TUBGCP5: variants seen among roughly 807,000 people sequenced by gnomAD.
TUBGCP5 encodes tubulin gamma complex component 5.
TUBGCP5 carries 98 observed loss-of-function variants against 134.7 expected under a neutral mutation model. The observed-to-expected ratio is 0.73, with a 90% CI of 0.62 to 0.86. The LOEUF is 0.86. Ranked by LOEUF, TUBGCP5 falls within the 40% of genes least tolerant of loss-of-function variation. The pLI is 0.00. For missense variants in TUBGCP5, 1,150 were observed against 1,244.8 expected, an observed-to-expected ratio of 0.92 and a Z score of 1.15; for synonymous variants, 456 against 431.4, an observed-to-expected ratio of 1.06 and a Z score of -0.71.
At chr15:23,002,216 A>G (rs188073656) in intron 21 of TUBGCP5, among the ~76,000 whole-genome samples, 2 of 152,082 alleles carry the variant, frequency 1.3e-5, no homozygotes, top group African/African-American at 4.8e-5. Context: ...GAAGACTTCT[A>G]TTTCCATCCC....
intron 8 of TUBGCP5, 81 bp downstream of exon 8, chr15:23,026,034 TG>T: frequency 1.7e-6 from 2 of 1,158,332 alleles, no homozygotes; most frequent in Admixed American, 5.2e-5. Context: ...TGAAAATGCT[TG>T]AAAAGTTTCC....
rs749656696 is a variant in TUBGCP5 at position 23,000,253 on chromosome 15, A to G, written c.3028+316T>C. ...AAATTTTTAAAAAGACTAGATTTTG[A>G]AAAGAAATAGTTACAAAAACTACAC... On this transcript the variant is annotated intron_variant, in intron 22 of 22. Transcript: ENST00000615383. 1.5e-4 allele frequency: 186 copies of G among 1,232,750 alleles called. 3 individuals carry two copies. Among genetic ancestry groups the G allele is most frequent in the Middle Eastern group, 3.2e-4 (1 of 3,118 alleles). 76.4% of individuals were successfully genotyped at this position (1,232,750 alleles called of 1,614,324 possible). A position where few individuals can be genotyped will look rare whatever the true frequency, so the allele number is the denominator to read the frequency against.
chr15:23,003,995 AAAG>A, intron 20 of TUBGCP5, 104 bp downstream of exon 20: 1 of 1,395,022 alleles, frequency 7.2e-7, no homozygotes, highest in Non-Finnish European at 9.5e-7. Context: ...GTTCTTCCTT[AAAG>A]AATATTCTAC....
In TUBGCP5 at chr15:23,024,042, A is replaced by C; in HGVS notation, c.1073T>G (p.Phe358Cys). ...SVPKKSTEAP[F>C]RTYQAFMWAL... ...CCACATGAAAGCCTGGTAGGTTCTAAAGGGAGCTTCAGTTGACTTCTTAGG... is the reference window on the plus strand; with the variant it reads ...CCACATGAAAGCCTGGTAGGTTCTACAGGGAGCTTCAGTTGACTTCTTAGG... Residue 358 changes from phenylalanine (F) to cysteine (C), a missense_variant, in exon 10 of 23, where the codon TTT becomes TGT. This residue lies in a region of TUBGCP5 where 697 missense variants were observed against 850.1 expected (regional missense o/e 0.82). Transcript: ENST00000615383. The C allele has an allele frequency of 6.2e-7, 1 of 1,614,162 alleles. No homozygotes were observed. The highest frequency in any genetic ancestry group is 8.5e-7 in the Non-Finnish European group (1 of 1,180,016).
In TUBGCP5 at chr15:23,005,569, G is replaced by A; in HGVS notation, c.2575C>T (p.Leu859Phe). 6.2e-7 allele frequency: 1 copy of A among 1,614,042 alleles called. No homozygotes were observed. The highest frequency in any genetic ancestry group is 8.5e-7 in the Non-Finnish European group (1 of 1,179,994). The stretch of plus-strand genomic sequence containing the variant: ...GCAACTGTGTCTTGTTCATGTATAA[G>A]GCCTTCTTTAAGTCGTGGTTTTTCT... ...TAEKPRLKEG[L>F]IHEQDTVAQF... The change falls in exon 19 of 23, where the codon CTT (leucine) becomes TTT (phenylalanine). Residue 859 changes from leucine to phenylalanine, a missense_variant. By Grantham distance (22) the Leu-to-Phe change is conservative. This residue lies in a region of TUBGCP5 where 697 missense variants were observed against 850.1 expected (regional missense o/e 0.82). Transcript: ENST00000615383.
intron 19 of TUBGCP5, 95 bp downstream of exon 19, chr15:23,005,333 TGTAG>T: frequency 7.2e-7 from 1 of 1,389,246 alleles, no homozygotes; most frequent in Non-Finnish European, 9.8e-7. Flanking sequence ...TTTCACAGTC[TGTAG>T]GTATTTTTTA....
At chr15:23,026,940 A>C (rs2066016105) in intron 7 of TUBGCP5, among the ~76,000 whole-genome samples, 1 of 151,880 alleles carries the variant, frequency 6.6e-6, no homozygotes, top group Non-Finnish European at 1.5e-5. Context: ...CTCCCCCTGC[A>C]AAAAAAAGTA....
intron 11 of TUBGCP5, among the ~76,000 whole-genome samples, chr15:23,020,210 C>T (rs1486115491): frequency 6.6e-6 from 1 of 152,060 alleles, no homozygotes; most frequent in African/African-American, 2.4e-5. Context: ...AGCTCGAGAC[C>T]AGCCTGGCCA....
At chr15:22,991,102 A>AT (rs2063830081) in intron 23 of TUBGCP5, among the ~76,000 whole-genome samples, 1 of 96,214 alleles carries the variant, frequency 1.0e-5, no homozygotes, top group Non-Finnish European at 2.2e-5. Flanking sequence ...ATAATAAATT[A>AT]CTTTTTTTTT....
intron 21 of TUBGCP5, among the ~76,000 whole-genome samples, chr15:23,001,606 G>C: frequency 6.6e-6 from 1 of 151,690 alleles, no homozygotes; most frequent in Middle Eastern, 3.5e-3. Context: ...GCCTCTCAAA[G>C]CACTGGGATT....
chr15:22,988,486 C>G (rs1262767024), intron 23 of TUBGCP5, among the ~76,000 whole-genome samples: 1 of 151,672 alleles, frequency 6.6e-6, no homozygotes, highest in Non-Finnish European at 1.5e-5. Flanking sequence ...GTAATCCCAG[C>G]ACTTTGGGAG....
intron 23 of TUBGCP5, among the ~76,000 whole-genome samples, chr15:22,990,338 G>A (rs958379249): frequency 6.6e-6 from 1 of 151,966 alleles, no homozygotes; most frequent in Non-Finnish European, 1.5e-5. Context: ...TCTCAGAGTA[G>A]AGGCACCTAC....
Position 23,013,163 on chromosome 15 carries a change from C to T in TUBGCP5, c.1757-1832G>A, listed in dbSNP as rs893557187. ...AAGCAACGAATCAACAGTTAAGATC[C>T]GACTGGAGGCTGGGGGTGGTGACTC... On this transcript the variant is annotated intron_variant, in intron 13 of 22. Coordinates refer to ENST00000615383, the MANE Select transcript of TUBGCP5 (RefSeq NM_052903.6). This position sits in a 1 kb window ranked among gnomAD's most constrained non-coding sequence, Gnocchi z 4.5. Among the ~76,000 whole-genome samples, 3 of 151,974 alleles carry T rather than the reference C, an allele frequency of 2.0e-5. No individual in the cohort carries two copies. The highest frequency in any genetic ancestry group is 4.8e-5 in the African/African-American group (2 of 41,484).
At chr15:23,023,079 T>A (rs1441189014) in intron 10 of TUBGCP5, 1 of 152,102 alleles carries the variant, frequency 6.6e-6, no homozygotes, top group Non-Finnish European at 1.5e-5. Flanking sequence ...CTACCCCACA[T>A]GGTCAGATGC....
Position 23,036,839 on chromosome 15 carries a change from G to A in TUBGCP5, c.309+58C>T, listed in dbSNP as rs1052951681. On this transcript the variant is annotated intron_variant, in intron 3 of 22. Transcript: ENST00000615383. ...TAAACAGTAACTGAAACAAATTGAC[G>A]ATAATCAGATAGGAAACAGTAAAAT... 3.5e-6 allele frequency: 4 copies of A among 1,143,480 alleles called. 1 individual carries two copies. The highest frequency in any genetic ancestry group is 1.4e-5 in the South Asian group (1 of 73,974). 70.8% of individuals were successfully genotyped at this position (1,143,480 alleles called of 1,614,324 possible). A position where few individuals can be genotyped will look rare whatever the true frequency, so the allele number is the denominator to read the frequency against.
At chr15:23,027,812 A>C (rs909606728) in intron 6 of TUBGCP5, among the ~76,000 whole-genome samples, 4 of 151,470 alleles carry the variant, frequency 2.6e-5, no homozygotes, top group African/African-American at 9.8e-5. Context: ...AATTAAATGT[A>C]ACTGACTAGA....
chr15:23,009,622 C>T (rs2140456231), intron 15 of TUBGCP5, among the ~76,000 whole-genome samples: 1 of 149,678 alleles, frequency 6.7e-6, no homozygotes, highest in South Asian at 2.1e-4. Context: ...TATGTATATG[C>T]CATATTTATG....
chr15:22,995,590 C>CA (rs1275896985), downstream of TUBGCP5, among the ~76,000 whole-genome samples: 4 of 138,544 alleles, frequency 2.9e-5, no homozygotes, highest in African/African-American at 1.1e-4. Context: ...AAAAAAAAAA[C>CA]AAAACAAAAA....
In TUBGCP5 at chr15:23,017,656, G is replaced by A. The variant is rs967210458; in HGVS notation, c.1756+117C>T. 6.5e-5 allele frequency: 67 copies of A among 1,023,352 alleles called. 1 individual carries two copies. The Middle Eastern group carries it at 7.5e-4, about 11-fold the overall frequency. The allele number at this position is 1,023,352 out of a possible 1,614,324, so 63.4% of individuals were successfully genotyped here. On this transcript the variant is annotated intron_variant, in intron 13 of 22. Transcript: ENST00000615383. ...TTCAACCATGACGATAATTGCCACC[G>A]AAATAAGAGGGTTTGATGACTTGCA... is the stretch of plus-strand genomic sequence containing the variant.
Sources: allele counts gnomAD v4.1 joint callset (sites outside exome capture counted in the v4.1 genomes callset), GRCh38; gene constraint gnomAD v4.1.1; regional missense constraint gnomAD v4.1.1; non-coding constraint Gnocchi (gnomAD v3.1); transcripts MANE v1.5; gene names NCBI Gene and HGNC (gene_info 2026-07-23, HGNC 2026-07-21).